The following FGD3 variants were observed in gnomAD, a reference collection of about 807,000 sequenced individuals.
The protein encoded by FGD3 is FYVE, RhoGEF and PH domain-containing protein 3.
FGD3 carries 45 observed loss-of-function variants against 71.8 expected under a neutral mutation model. That is an observed-to-expected ratio of 0.63 (90% CI 0.49 to 0.80). The LOEUF is 0.80. Ranked by LOEUF, FGD3 falls within the 30% of genes least tolerant of loss-of-function variation. The probability of loss-of-function intolerance (pLI) is 0.00; values close to 1 mark genes in which losing one functional copy is unlikely to be tolerated. For missense variants in FGD3, 844 were observed against 951.5 expected, an observed-to-expected ratio of 0.89 and a Z score of 1.49; for synonymous variants, 378 against 392.8, an observed-to-expected ratio of 0.96 and a Z score of 0.44.
At chr9:92,971,192 T>C (rs1248157841) in intron 1 of FGD3, among the ~76,000 whole-genome samples, 2 of 152,098 alleles carry the variant, frequency 1.3e-5, no homozygotes, top group African/African-American at 4.8e-5. Flanking sequence ...GTGTGTGAAT[T>C]GGGGGGTACC....
chr9:93,033,058 G>A (rs538729614), intron 16 of FGD3, 185 bp downstream of exon 16: 34 of 680,028 alleles, frequency 5.0e-5, no homozygotes, highest in African/African-American at 4.9e-4. Flanking sequence ...GTGTGTGCAC[G>A]CTGGCTTCTC....
intron 5 of FGD3, among the ~76,000 whole-genome samples, 187 bp from the exon 6 acceptor site, chr9:93,005,837 C>T (rs1861028775): frequency 6.6e-6 from 1 of 152,088 alleles, no homozygotes; most frequent in South Asian, 2.1e-4. Flanking sequence ...ATTTAATTGC[C>T]CAGTTACTAT....
chr9:93,009,371 G>T (rs1278973473), intron 6 of FGD3, among the ~76,000 whole-genome samples: 5 of 152,186 alleles, frequency 3.3e-5, no homozygotes, highest in Admixed American at 3.3e-4. Context: ...TCACCCTGTT[G>T]TATCCCAGGC....
chr9:92,982,994 G>A (rs766593380), intron 3 of FGD3, among the ~76,000 whole-genome samples: 1 of 152,046 alleles, frequency 6.6e-6, no homozygotes, highest in Non-Finnish European at 1.5e-5. Context: ...GCTGAGGCAG[G>A]AGAATTGCTT....
intron 3 of FGD3, among the ~76,000 whole-genome samples, chr9:92,997,931 C>G (rs1378850312): frequency 6.6e-6 from 1 of 152,194 alleles, no homozygotes; most frequent in Non-Finnish European, 1.5e-5. Context: ...TTTGGTGAAT[C>G]TGACAATTAT....
intron 13 of FGD3, 102 bp from the exon 14 acceptor site, chr9:93,022,225 C>T (rs1861945628): frequency 6.9e-6 from 8 of 1,167,632 alleles, no homozygotes; most frequent in Non-Finnish European, 9.6e-6. Flanking sequence ...AGCCTGCCCT[C>T]AATGCACAGA....
At position 93,035,688 on chromosome 9, in the gene FGD3, G is replaced by T; in HGVS notation, c.*99G>T. On this transcript the variant is annotated 3_prime_UTR_variant, in exon 18 of 18. Coordinates refer to ENST00000375482, the MANE Select transcript of FGD3 (RefSeq NM_001083536.2). ...ATGAAGAGCGCCCTGGACTGCTGAG[G>T]GTGGGCCAACAGCCCAGAGCTCAGG... The T allele has an allele frequency of 6.8e-7, 1 of 1,462,262 alleles. No homozygotes were observed. Among genetic ancestry groups the T allele is most frequent in the Non-Finnish European group, 9.0e-7 (1 of 1,106,582 alleles). The allele number at this position is 1,462,262 out of a possible 1,614,324, so 90.6% of individuals were successfully genotyped here. A position where few individuals can be genotyped will look rare whatever the true frequency, so the allele number is the denominator to read the frequency against.
At chr9:93,017,044 G>A (rs1258993186) in intron 10 of FGD3, among the ~76,000 whole-genome samples, 2 of 152,228 alleles carry the variant, frequency 1.3e-5, no homozygotes, top group Non-Finnish European at 2.9e-5. Flanking sequence ...TGAGGTAGGA[G>A]GATCACTTGA....
At chr9:92,988,430 C>T (rs1048317094) in intron 3 of FGD3, among the ~76,000 whole-genome samples, 2 of 152,198 alleles carry the variant, frequency 1.3e-5, no homozygotes, top group Non-Finnish European at 2.9e-5. Context: ...TCTCCAGGGA[C>T]CCTTTCTTAT....
chr9:93,009,877 A>G (rs1861234232), intron 6 of FGD3, among the ~76,000 whole-genome samples: 1 of 152,228 alleles, frequency 6.6e-6, no homozygotes, highest in Non-Finnish European at 1.5e-5. Flanking sequence ...CTGATTTCTC[A>G]GCAGAGGGGT....
rs181160730 is a variant in FGD3 at position 92,992,367 on chromosome 9, T to C, written c.454-10558T>C. 9.8e-5 allele frequency among the ~76,000 whole-genome samples: 15 copies of C among 152,374 alleles called. No homozygotes were observed. In the East Asian group the frequency reaches 2.9e-3, roughly 29 times the overall value. ...TTTTCAAGATGGTGTTTATTGTCTTTTCACTTCCAGATATAAGACTGTCTT... is the reference window on the plus strand; with the variant it reads ...TTTTCAAGATGGTGTTTATTGTCTTCTCACTTCCAGATATAAGACTGTCTT... On this transcript the variant is annotated intron_variant, in intron 3 of 17. Coordinates refer to ENST00000375482, the MANE Select transcript of FGD3 (RefSeq NM_001083536.2).
chr9:92,949,196 G>T (rs1858909131), intron 1 of FGD3, among the ~76,000 whole-genome samples: 1 of 151,952 alleles, frequency 6.6e-6, no homozygotes, highest in Non-Finnish European at 1.5e-5. Flanking sequence ...CATGTGCTGA[G>T]GGACTGGTGC....
intron 1 of FGD3, among the ~76,000 whole-genome samples, chr9:92,952,275 C>T (rs1161123769): frequency 2.2e-5 from 3 of 137,060 alleles, no homozygotes; most frequent in African/African-American, 8.3e-5. Flanking sequence ...CTTGCTCTGT[C>T]GCCCGGGCTG....
chr9:92,974,034 C>T, intron 1 of FGD3, among the ~76,000 whole-genome samples: 1 of 152,218 alleles, frequency 6.6e-6, no homozygotes, highest in East Asian at 1.9e-4. Context: ...TCCCGTCTCT[C>T]AGGGACCACA....
At chr9:92,963,054 G>T (rs1387612844) in intron 1 of FGD3, among the ~76,000 whole-genome samples, 1 of 152,182 alleles carries the variant, frequency 6.6e-6, no homozygotes, top group East Asian at 1.9e-4. Flanking sequence ...TCACGGCTGG[G>T]TGTAGCTCTG....
At chr9:92,975,446 C>T (rs564887376) in intron 2 of FGD3, 41 bp downstream of exon 2, 1 of 152,332 alleles carries the variant, frequency 6.6e-6, no homozygotes, top group South Asian at 2.1e-4. Flanking sequence ...CCCTAGGCTC[C>T]TCGGCAGCTG....
chr9:92,967,502 G>C (rs1305807230), intron 1 of FGD3, among the ~76,000 whole-genome samples: 1 of 152,156 alleles, frequency 6.6e-6, no homozygotes, highest in Non-Finnish European at 1.5e-5. Context: ...GTCCCTTTGT[G>C]ACTAGCTTAT....
At chr9:93,006,739 T>C (rs1861071229) in intron 6 of FGD3, among the ~76,000 whole-genome samples, 1 of 152,066 alleles carries the variant, frequency 6.6e-6, no homozygotes, top group African/African-American at 2.4e-5. Context: ...TTTTATTTTT[T>C]TTTTTGAGAC....
chr9:92,974,275 C>A (rs1046927903), intron 1 of FGD3, among the ~76,000 whole-genome samples: 2 of 152,200 alleles, frequency 1.3e-5, no homozygotes, highest in African/African-American at 2.4e-5. Flanking sequence ...ATTGCTCTGC[C>A]ATGTTTGACC....
Sources: allele counts gnomAD v4.1 joint callset (sites outside exome capture counted in the v4.1 genomes callset), GRCh38; gene constraint gnomAD v4.1.1; transcripts MANE v1.5; gene names NCBI Gene and HGNC (gene_info 2026-07-23, HGNC 2026-07-21).